The following KAZN variants were observed in gnomAD, a reference collection of about 807,000 sequenced individuals.
KAZN encodes kazrin.
In KAZN, 40 loss-of-function variants were observed where a neutral mutation model predicts 87.4. That is an observed-to-expected ratio of 0.46 (90% CI 0.36 to 0.60). The LOEUF is 0.60. KAZN is among the 20% of genes least tolerant of loss of function. The pLI, the probability that KAZN is intolerant of heterozygous loss-of-function variation, is 0.00. For missense variants in KAZN, 898 were observed against 1,073.9 expected, an observed-to-expected ratio of 0.84 and a Z score of 2.29; for synonymous variants, 466 against 458.3, an observed-to-expected ratio of 1.02 and a Z score of -0.22.
At chr1:13,903,588 G>A (rs547723121) in intron 1 of KAZN, among the ~76,000 whole-genome samples, 1 of 152,286 alleles carries the variant, frequency 6.6e-6, no homozygotes, top group African/African-American at 2.4e-5. Context: ...TGGACTTCCT[G>A]AAACTTGAAG....
chr1:15,044,356 C>A (rs1673252363), intron 4 of KAZN, among the ~76,000 whole-genome samples, 197 bp downstream of exon 4: 1 of 152,190 alleles, frequency 6.6e-6, no homozygotes, highest in Non-Finnish European at 1.5e-5. Flanking sequence ...AAGACCATGC[C>A]CCCAGAGACT....
At position 14,000,062 on chromosome 1, in the gene KAZN, A is replaced by G. The variant is rs180895051; in HGVS notation, c.91+106306A>G. ...AAATTGAGGCAATAATTAATAGCCT[A>G]CAAACAACAAAAAAAGTCCAGGACC... is the stretch of plus-strand genomic sequence containing the variant. On this transcript the variant is annotated intron_variant, in intron 1 of 16. Coordinates refer to the KAZN transcript ENST00000636203. 7.2e-5 allele frequency among the ~76,000 whole-genome samples: 11 copies of G among 152,362 alleles called. No homozygotes were observed. The East Asian group carries it at 2.1e-3, about 29-fold the overall frequency.
intron 2 of KAZN, among the ~76,000 whole-genome samples, chr1:14,256,335 C>T (rs945187077): frequency 1.3e-5 from 2 of 152,032 alleles, no homozygotes; most frequent in Non-Finnish European, 1.5e-5. Context: ...AAATTAGACA[C>T]CCCATATTAC....
rs985505504 is a variant in KAZN at position 14,769,458 on chromosome 1, G to A, written c.226+170235G>A. ...CAACCTCTGCCTCCCGGGTTCAAGC[G>A]ATTCTCGTGCCTCATTCTCCTGAGT... On this transcript the variant is annotated intron_variant, in intron 1 of 14. Transcript: ENST00000376030. This position sits in a 1 kb window ranked among gnomAD's most constrained non-coding sequence, Gnocchi z 4.1. Among the ~76,000 whole-genome samples the A allele has an allele frequency of 2.0e-5, 3 of 152,096 alleles. No individual in the cohort carries two copies. Among genetic ancestry groups the A allele is most frequent in the Non-Finnish European group, 2.9e-5 (2 of 68,026 alleles).
In KAZN at chr1:14,883,348, A is replaced by AGGG. The variant is rs1557586257; in HGVS notation, c.227-77336_227-77335insGGG. On this transcript the variant is annotated intron_variant, in intron 1 of 14. Transcript: ENST00000376030. Reference sequence around the variant, plus strand: ...AGAGAGAGAGAGAGAGAGAGAAAGAAAGAAAGAAAAGAAAGAAAGAAAGAA... The same window carrying AGGG: ...AGAGAGAGAGAGAGAGAGAGAAAGAAGGGAGAAAGAAAAGAAAGAAAGAAAGAA... Among the ~76,000 whole-genome samples, 8 of 31,896 alleles carry AGGG rather than the reference A, an allele frequency of 2.5e-4. 1 individual carries two copies. Among genetic ancestry groups the AGGG allele is most frequent in the African/African-American group, 7.1e-4 (8 of 11,266 alleles). The allele number at this position is 31,896 out of a possible 152,430, so 20.9% of individuals were successfully genotyped here. A position where few individuals can be genotyped will look rare whatever the true frequency, so the allele number is the denominator to read the frequency against.
chr1:14,963,267 A>G (rs1393597701), intron 2 of KAZN, among the ~76,000 whole-genome samples: 1 of 152,208 alleles, frequency 6.6e-6, no homozygotes, highest in African/African-American at 2.4e-5. Context: ...TTGAGCACCT[A>G]CTGGGTGCCA....
intron 1 of KAZN, among the ~76,000 whole-genome samples, chr1:14,720,595 T>C (rs1304728462): frequency 6.6e-6 from 1 of 152,228 alleles, no homozygotes; most frequent in Non-Finnish European, 1.5e-5. Flanking sequence ...TGCAATATTT[T>C]TCTTTGCTTA....
intron 1 of KAZN, among the ~76,000 whole-genome samples, chr1:14,135,587 C>T (rs1557504419): frequency 6.6e-6 from 1 of 152,156 alleles, no homozygotes; most frequent in African/African-American, 2.4e-5. Context: ...GTTTTTTCTT[C>T]AGAAATTCCC....
chr1:14,712,097 G>A (rs1642519076), intron 1 of KAZN, among the ~76,000 whole-genome samples: 1 of 152,188 alleles, frequency 6.6e-6, no homozygotes, highest in Admixed American at 6.5e-5. Context: ...AGGGTTTTAG[G>A]GGCCAGGTGC....
chr1:15,094,226 G>A lies in KAZN; in HGVS notation c.1269G>A (p.Ser423=), dbSNP rs371250726. The stretch of plus-strand genomic sequence containing the variant: ...CCACGCGGCAGAGCCTCAGCCTGTC[G>A]GAAGGCGAGGAGCAGATGGACCGGC... The part of the protein sequence containing the change: ...CSPTRQSLSL[S]EGEEQMDRLQ... Residue 423 remains serine (S), a synonymous_variant, in exon 9 of 15, where the codon TCG becomes TCA. Transcript: ENST00000376030. The surrounding 1 kb of genome is among the most constrained non-coding windows in gnomAD (Gnocchi z 4.5). The A allele has an allele frequency of 5.8e-5, 94 of 1,613,882 alleles. No homozygotes were observed. The highest frequency in any genetic ancestry group is 3.1e-4 in the East Asian group (14 of 44,878).
intron 1 of KAZN, among the ~76,000 whole-genome samples, chr1:14,118,619 C>T (rs1367830111): frequency 1.3e-5 from 2 of 152,202 alleles, no homozygotes; most frequent in Non-Finnish European, 2.9e-5. Context: ...CAGATACAAA[C>T]CCTTTCTTTG....
chr1:14,187,781 C>A (rs569745044), intron 2 of KAZN, among the ~76,000 whole-genome samples: 1 of 152,160 alleles, frequency 6.6e-6, no homozygotes, highest in Non-Finnish European at 1.5e-5. Flanking sequence ...ATTGAGAAAC[C>A]CTACTTTAGG....
chr1:15,089,532 AG>A (rs1640429087), intron 8 of KAZN, among the ~76,000 whole-genome samples: 1 of 152,122 alleles, frequency 6.6e-6, no homozygotes, highest in African/African-American at 2.4e-5. Flanking sequence ...GCCCCAGGAG[AG>A]GGGCCCCTTA....
chr1:14,346,332 G>A (rs1658105657), intron 2 of KAZN, among the ~76,000 whole-genome samples: 1 of 152,286 alleles, frequency 6.6e-6, no homozygotes, highest in East Asian at 1.9e-4. Flanking sequence ...GCAGCTTTCA[G>A]GGGATGACTA....
At chr1:14,840,494 C>T (rs1344736714) in intron 1 of KAZN, among the ~76,000 whole-genome samples, 2 of 152,252 alleles carry the variant, frequency 1.3e-5, no homozygotes, top group Non-Finnish European at 2.9e-5. Flanking sequence ...TGAAGGCTCT[C>T]CTGATGCTCA....
intron 1 of KAZN, among the ~76,000 whole-genome samples, chr1:14,860,876 ATC>A (rs371501947): frequency 1.3e-5 from 2 of 152,220 alleles, no homozygotes; most frequent in Non-Finnish European, 2.9e-5. Context: ...TTAATGAAGA[ATC>A]TGTCTGCATT....
chr1:14,743,690 G>A (rs1451226304), intron 1 of KAZN, among the ~76,000 whole-genome samples: 5 of 152,084 alleles, frequency 3.3e-5, no homozygotes, highest in African/African-American at 7.2e-5. Context: ...AGTTGCTTTG[G>A]TTCCCAGCAG....
chr1:15,025,015 G>A (rs114433493), intron 2 of KAZN, among the ~76,000 whole-genome samples: 2,157 of 152,292 alleles, frequency 0.014, 54 homozygotes, highest in African/African-American at 0.05. Flanking sequence ...CATGGCACAG[G>A]ATCCTGCTGT....
At chr1:14,600,798 GAC>G (rs1374384092) in intron 1 of KAZN, among the ~76,000 whole-genome samples, 1 of 152,176 alleles carries the variant, frequency 6.6e-6, no homozygotes, top group Non-Finnish European at 1.5e-5. Flanking sequence ...TATAGTAAAG[GAC>G]ACTGAACAAT....
Sources: gnomAD v4.1 joint callset for allele counts (sites outside exome capture counted in the v4.1 genomes callset) on GRCh38, gnomAD v4.1.1 for gene constraint, Gnocchi (gnomAD v3.1) non-coding constraint, MANE v1.5 for transcripts, NCBI Gene and HGNC (gene_info 2026-07-23, HGNC 2026-07-21) for gene names.